Variants in MCF2L observed in about 807,000 individuals in gnomAD.
MCF2L encodes MCF.2 cell line derived transforming sequence like, also known as guanine nucleotide exchange factor DBS.
A neutral mutation model predicts 153.4 loss-of-function variants in MCF2L; 97 were observed. That is an observed-to-expected ratio of 0.63 (90% CI 0.54 to 0.75). The LOEUF (loss-of-function observed/expected upper bound fraction) is 0.75, where lower values mean the gene tolerates loss of function less well. MCF2L is among the 30% of genes least tolerant of loss of function. MCF2L has a pLI of 0.00. For synonymous variants in MCF2L, 659 were observed against 632.2 expected (o/e 1.04, Z -0.64); for missense variants, 1,347 against 1,495.2 (o/e 0.90, Z 1.64).
intron 2 of MCF2L, among the ~76,000 whole-genome samples, chr13:112,936,309 A>T (rs2081514846): frequency 6.9e-6 from 1 of 145,210 alleles, no homozygotes; most frequent in Admixed American, 6.9e-5. Flanking sequence ...AAAAAGACCC[A>T]GTCCTGCCAA....
At chr13:113,000,602 G>A (rs1389062298) in intron 1 of MCF2L, among the ~76,000 whole-genome samples, 3 of 152,244 alleles carry the variant, frequency 2.0e-5, no homozygotes, top group Non-Finnish European at 1.5e-5. Context: ...AGGGCCTGGC[G>A]AGGCCACGCT....
chr13:112,902,476 T>C, intron 2 of MCF2L: 1 of 1,228,308 alleles, frequency 8.1e-7, no homozygotes, highest in Non-Finnish European at 1.1e-6. Flanking sequence ...TGACAAGGTT[T>C]AGATCCTGGG....
intron 3 of MCF2L, among the ~76,000 whole-genome samples, chr13:113,036,281 A>G (rs2086147948): frequency 6.6e-6 from 1 of 152,170 alleles, no homozygotes; most frequent in South Asian, 2.1e-4. Flanking sequence ...TTCCTTTTAT[A>G]CATAAGTTAA....
At chr13:112,935,844 C>G (rs975858639) in intron 2 of MCF2L, among the ~76,000 whole-genome samples, 10 of 152,148 alleles carry the variant, frequency 6.6e-5, no homozygotes, top group African/African-American at 2.2e-4. Flanking sequence ...AATCTGGACA[C>G]AGACACAGGG....
chr13:112,903,153 A>G (rs1266476503), intron 2 of MCF2L, among the ~76,000 whole-genome samples: 7 of 152,222 alleles, frequency 4.6e-5, no homozygotes, highest in African/African-American at 1.4e-4. Context: ...CTGGCATTGC[A>G]AAATCCATCC....
Position 113,087,293 on chromosome 13 carries a change from A to G in MCF2L, c.2432A>G (p.Asp811Gly). 6.2e-7 allele frequency: 1 copy of G among 1,613,078 alleles called. No individual in the cohort carries two copies. Among genetic ancestry groups the G allele is most frequent in the Non-Finnish European group, 8.5e-7 (1 of 1,180,024 alleles). Residue 811 changes from aspartate to glycine, a missense_variant, in exon 22 of 30, where the codon GAC becomes GGC. Physicochemically the swap from Asp to Gly is moderately conservative, Grantham distance 94 (BLOSUM62 -1). Around this residue, in one of 3 missense-constraint regions of MCF2L, gnomAD observed 144 missense variants for 238.7 expected, o/e 0.60. Coordinates refer to ENST00000535094, the MANE Select transcript of MCF2L (RefSeq NM_001112732.3). ...LMQGSFSVWT[D>G]HKRGHTKVKE... ...CAGGGCTCGTTCAGCGTCTGGACCG[A>G]CCACAAGAGGGGCCACACCAAGGTG...
At chr13:113,057,432 G>GT (rs2030241411) in intron 4 of MCF2L, among the ~76,000 whole-genome samples, 2 of 145,886 alleles carry the variant, frequency 1.4e-5, no homozygotes, top group East Asian at 2.1e-4. Context: ...GGTGCTGAGT[G>GT]TTGGGCACTG....
intron 1 of MCF2L, among the ~76,000 whole-genome samples, chr13:112,977,629 C>T (rs1200848462): frequency 6.6e-6 from 1 of 152,170 alleles, no homozygotes; most frequent in Non-Finnish European, 1.5e-5. Flanking sequence ...CTGGAAGTGG[C>T]CCTGCTGTTC....
rs2084574875 is a variant in MCF2L at position 113,017,078 on chromosome 13, G to A, written c.163+2232G>A. 2.6e-5 allele frequency among the ~76,000 whole-genome samples: 4 copies of A among 152,232 alleles called. No homozygotes were observed. The South Asian group carries it at 8.3e-4, about 31-fold the overall frequency. On this transcript the variant is annotated intron_variant, in intron 2 of 29. Coordinates refer to ENST00000535094, the MANE Select transcript of MCF2L (RefSeq NM_001112732.3). ...ATCAGTGTCGGCTGGCGCTTCTCCT[G>A]CAGATGTGCGCGGATTTGGAGGAAG...
rs938250774 is a variant in MCF2L, at chr13:112,943,743, G to C, written c.169+41372G>C. Among the ~76,000 whole-genome samples the C allele has an allele frequency of 3.3e-5, 5 of 152,118 alleles. No individual in the cohort carries two copies. The highest frequency in any genetic ancestry group is 1.2e-4 in the African/African-American group (5 of 41,442). ...AGCCCGAGCAGCCTGCGGTGGCTCG[G>C]CTCGGGCCGGCGGAGATCTGGGAGC... On this transcript the variant is annotated intron_variant, in intron 2 of 29. Transcript: ENST00000375608. The surrounding 1 kb of genome is among the most constrained non-coding windows in gnomAD (Gnocchi z 4.2).
At chr13:112,996,384 T>C (rs1032001714) in intron 1 of MCF2L, among the ~76,000 whole-genome samples, 11 of 152,170 alleles carry the variant, frequency 7.2e-5, no homozygotes, top group African/African-American at 2.4e-4. Context: ...ATGTTTCTGG[T>C]CCCTGCATCT....
chr13:112,990,420 T>C (rs1339008251), intron 1 of MCF2L, among the ~76,000 whole-genome samples: 1 of 152,164 alleles, frequency 6.6e-6, no homozygotes, highest in Non-Finnish European at 1.5e-5. Context: ...GCAAACCCAG[T>C]GCAAGTGCTT....
chr13:113,066,913 C>T (rs76866090), intron 8 of MCF2L, among the ~76,000 whole-genome samples: 1 of 152,196 alleles, frequency 6.6e-6, no homozygotes, highest in Non-Finnish European at 1.5e-5. Flanking sequence ...CCTTTGACTC[C>T]CACGCAGCGT....
chr13:113,095,213 C>CCA (rs1348588753), intron 27 of MCF2L: 1 of 1,225,220 alleles, frequency 8.2e-7, no homozygotes, highest in African/African-American at 1.6e-5. Context: ...GAGGGTTACA[C>CCA]CAAGAAGTGT....
chr13:112,914,945 T>C (rs560207518), intron 2 of MCF2L, among the ~76,000 whole-genome samples: 21 of 152,244 alleles, frequency 1.4e-4, no homozygotes, highest in African/African-American at 4.8e-4. Context: ...TTTTGAGTCG[T>C]AGTTGAAAAG....
At chr13:113,081,623 C>T (rs965817392) in intron 16 of MCF2L, among the ~76,000 whole-genome samples, 2 of 152,250 alleles carry the variant, frequency 1.3e-5, no homozygotes, top group Non-Finnish European at 2.9e-5. Flanking sequence ...AAGCAAAACT[C>T]GTCGGAGGTG....
At chr13:112,897,582 G>C (rs1214060180) in intron 1 of MCF2L, among the ~76,000 whole-genome samples, 2 of 152,256 alleles carry the variant, frequency 1.3e-5, no homozygotes, top group Non-Finnish European at 2.9e-5. Flanking sequence ...CCCACCTGTT[G>C]AGAAAGTGAA....
chr13:112,975,083 C>T (rs945841765), intron 1 of MCF2L, among the ~76,000 whole-genome samples: 10 of 152,212 alleles, frequency 6.6e-5, no homozygotes, highest in Admixed American at 2.6e-4. Flanking sequence ...TTCTACCCTT[C>T]GGATTAACTC....
At chr13:113,005,516 C>T (rs2083634398) in intron 1 of MCF2L, among the ~76,000 whole-genome samples, 1 of 151,504 alleles carries the variant, frequency 6.6e-6, no homozygotes, top group African/African-American at 2.4e-5. Context: ...TTTGTGGTGG[C>T]CGTGGTCTGT....
Sources: allele counts gnomAD v4.1 joint callset (sites outside exome capture counted in the v4.1 genomes callset), GRCh38; gene constraint gnomAD v4.1.1; regional missense constraint gnomAD v4.1.1; non-coding constraint Gnocchi (gnomAD v3.1); transcripts MANE v1.5; gene names NCBI Gene and HGNC (gene_info 2026-07-23, HGNC 2026-07-21).